Variants in LTBP1 observed in about 807,000 individuals in gnomAD.
The protein encoded by LTBP1 is latent transforming growth factor beta binding protein 1.
LTBP1 carries 129 observed loss-of-function variants against 207.6 expected under a neutral mutation model. The ratio of observed to expected loss-of-function variants is 0.62; its 90% CI spans 0.54 to 0.72. LTBP1 has a LOEUF of 0.72. Ranked by LOEUF, LTBP1 falls within the 30% of genes least tolerant of loss-of-function variation. The probability of loss-of-function intolerance (pLI) is 0.00; values close to 1 mark genes in which losing one functional copy is unlikely to be tolerated. For synonymous variants in LTBP1, 963 were observed against 833.7 expected (o/e 1.16, Z -2.67); for missense variants, 2,281 against 2,217.2 (o/e 1.03, Z -0.58).
chr2:33,152,121 G>A (rs1190632192), intron 5 of LTBP1, among the ~76,000 whole-genome samples: 2 of 152,078 alleles, frequency 1.3e-5, no homozygotes, highest in Non-Finnish European at 2.9e-5. Flanking sequence ...AGTCAGCAGA[G>A]TAAATAGACA....
intron 9 of LTBP1, among the ~76,000 whole-genome samples, chr2:33,242,251 G>A (rs1471802399): frequency 1.3e-5 from 2 of 152,130 alleles, no homozygotes; most frequent in Non-Finnish European, 2.9e-5. Context: ...TGATAGTAAT[G>A]TTTTGCTACC....
At chr2:32,995,176 C>T (rs984390123) in intron 2 of LTBP1, among the ~76,000 whole-genome samples, 2 of 149,526 alleles carry the variant, frequency 1.3e-5, no homozygotes, top group Non-Finnish European at 3.0e-5. Flanking sequence ...GTGTGAGACC[C>T]TGTCTCCAAA....
At chr2:32,956,032 C>T (rs571834765) in intron 2 of LTBP1, among the ~76,000 whole-genome samples, 1 of 152,188 alleles carries the variant, frequency 6.6e-6, no homozygotes, top group East Asian at 1.9e-4. Context: ...ACAATAATAG[C>T]ATTATGTCTA....
At chr2:33,208,500 A>G (rs1297595757) in intron 7 of LTBP1, among the ~76,000 whole-genome samples, 1 of 152,196 alleles carries the variant, frequency 6.6e-6, no homozygotes, top group Non-Finnish European at 1.5e-5. Context: ...AGGAAAAGGC[A>G]GCCCATTATT....
intron 4 of LTBP1, among the ~76,000 whole-genome samples, chr2:33,111,788 A>G (rs2080422152): frequency 6.6e-6 from 1 of 152,152 alleles, no homozygotes; most frequent in Non-Finnish European, 1.5e-5. Flanking sequence ...ACCCCAGAAC[A>G]ATAGTTTGGT....
intron 3 of LTBP1, among the ~76,000 whole-genome samples, chr2:33,041,720 A>G (rs1447948424): frequency 6.6e-6 from 1 of 152,198 alleles, no homozygotes; most frequent in Non-Finnish European, 1.5e-5. Flanking sequence ...GCATAAACAG[A>G]TAAATAAGGC....
chr2:33,395,167 A>T (rs1408013008), intron 32 of LTBP1, among the ~76,000 whole-genome samples: 1 of 152,194 alleles, frequency 6.6e-6, no homozygotes, highest in African/African-American at 2.4e-5. Context: ...AATGTTGGGT[A>T]TGCCATTCTA....
chr2:33,235,929 G>A (rs1475647125), intron 9 of LTBP1, among the ~76,000 whole-genome samples: 3 of 152,188 alleles, frequency 2.0e-5, no homozygotes, highest in Admixed American at 6.5e-5. Context: ...GGGAGGGATA[G>A]CATTAGGAGA....
intron 15 of LTBP1, among the ~76,000 whole-genome samples, chr2:33,267,875 A>G (rs550435877): frequency 6.6e-6 from 1 of 152,386 alleles, no homozygotes; most frequent in African/African-American, 2.4e-5. Context: ...AAACAATGCA[A>G]GTAGCCTTGC....
chr2:33,121,836 T>C (rs1558664237), intron 4 of LTBP1, among the ~76,000 whole-genome samples: 1 of 152,144 alleles, frequency 6.6e-6, no homozygotes, highest in Non-Finnish European at 1.5e-5. Flanking sequence ...TTTTGGTAAC[T>C]GTAGAAATTT....
intron 9 of LTBP1, among the ~76,000 whole-genome samples, chr2:33,240,642 A>ATTT (rs1558869453): frequency 5.9e-5 from 8 of 134,976 alleles, no homozygotes; most frequent in Non-Finnish European, 1.3e-4. Flanking sequence ...TGATGGAAAC[A>ATTT]TTCTTTTTTT....
At chr2:33,299,321 A>G (rs561597423) in intron 20 of LTBP1, among the ~76,000 whole-genome samples, 1 of 152,246 alleles carries the variant, frequency 6.6e-6, no homozygotes, top group African/African-American at 2.4e-5. Flanking sequence ...TATACAGTTA[A>G]TTGAGTTTTC....
At chr2:33,113,914 C>T (rs2080564673) in intron 4 of LTBP1, among the ~76,000 whole-genome samples, 1 of 152,206 alleles carries the variant, frequency 6.6e-6, no homozygotes, top group African/African-American at 2.4e-5. Flanking sequence ...GATCTCAGCT[C>T]ACCACAACCT....
intron 22 of LTBP1, among the ~76,000 whole-genome samples, chr2:33,301,981 A>G (rs940742352): frequency 6.6e-6 from 1 of 152,250 alleles, no homozygotes; most frequent in African/African-American, 2.4e-5. Flanking sequence ...AATGTTCCAA[A>G]TAAGTAAATA....
At chr2:33,293,382 A>G (rs2093812979) in intron 20 of LTBP1, 100 bp downstream of exon 20, 1 of 1,247,516 alleles carries the variant, frequency 8.0e-7, no homozygotes, top group South Asian at 1.8e-5. Context: ...ACCTGTGTTT[A>G]TTTTGACCGA....
At chr2:32,962,993 T>C (rs1370066319) in intron 2 of LTBP1, among the ~76,000 whole-genome samples, 1 of 152,236 alleles carries the variant, frequency 6.6e-6, no homozygotes, top group Non-Finnish European at 1.5e-5. Flanking sequence ...CACCCTACTG[T>C]GATCACTTGT....
At chr2:33,383,807 G>T (rs1484778951) in intron 31 of LTBP1, among the ~76,000 whole-genome samples, 1 of 152,152 alleles carries the variant, frequency 6.6e-6, no homozygotes, top group African/African-American at 2.4e-5. Flanking sequence ...AAAGTGCTGG[G>T]ATTACAGGCG....
intron 31 of LTBP1, among the ~76,000 whole-genome samples, chr2:33,374,807 C>T (rs1194314399): frequency 6.6e-6 from 1 of 152,112 alleles, no homozygotes; most frequent in East Asian, 1.9e-4. Flanking sequence ...CAAAAATTAC[C>T]TGGGTGTGGT....
At chr2:33,213,919 G>A (rs182850565) in intron 7 of LTBP1, among the ~76,000 whole-genome samples, 1 of 152,190 alleles carries the variant, frequency 6.6e-6, no homozygotes, top group African/African-American at 2.4e-5. Flanking sequence ...GGATAAAGCG[G>A]CCTGAATCAT....
Sources: gnomAD v4.1 joint callset for allele counts (sites outside exome capture counted in the v4.1 genomes callset) on GRCh38, gnomAD v4.1.1 for gene constraint, MANE v1.5 for transcripts, NCBI Gene and HGNC (gene_info 2026-07-23, HGNC 2026-07-21) for gene names.